Variants in LHCGR observed in about 807,000 individuals in gnomAD.
The protein encoded by LHCGR is lutropin-choriogonadotropic hormone receptor.
Under a neutral mutation model 60.7 loss-of-function variants are expected in LHCGR, and 55 were observed. The ratio of observed to expected loss-of-function variants is 0.91; its 90% confidence interval spans 0.73 to 1.13. The LOEUF is 1.13. Ranked by LOEUF, LHCGR falls within the 50% of genes most tolerant of loss-of-function variation. The probability of loss-of-function intolerance (pLI) is 0.00; values close to 1 mark genes in which losing one functional copy is unlikely to be tolerated. For synonymous variants in LHCGR, 337 were observed against 316.5 expected (o/e 1.06, Z -0.69); for missense variants, 862 against 836.0 (o/e 1.03, Z -0.38).
At chr2:48,711,116 G>C (rs116554316) in intron 7 of LHCGR, among the ~76,000 whole-genome samples, 1 of 151,934 alleles carries the variant, frequency 6.6e-6, no homozygotes, top group Admixed American at 6.6e-5. Context: ...TTTCTGTAAC[G>C]TGCTTCCCTC....
chr2:48,736,381 C>T (rs186046553), intron 1 of LHCGR, among the ~76,000 whole-genome samples: 5 of 152,132 alleles, frequency 3.3e-5, no homozygotes, highest in Admixed American at 1.3e-4. Context: ...TGACTTGATC[C>T]CCTTCCCAGC....
chr2:48,755,190 G>C (rs1232613087), intron 1 of LHCGR, among the ~76,000 whole-genome samples: 1 of 151,666 alleles, frequency 6.6e-6, no homozygotes, highest in Non-Finnish European at 1.5e-5. Context: ...AGGAGTTGAG[G>C]AGCGTCACAC....
At chr2:48,691,957 G>A (rs1666869589) in intron 10 of LHCGR, among the ~76,000 whole-genome samples, 1 of 152,076 alleles carries the variant, frequency 6.6e-6, no homozygotes, top group Non-Finnish European at 1.5e-5. Flanking sequence ...GGTCTCTTGG[G>A]GATAGTGACA....
At chr2:48,730,708 A>T (rs1668949612) in intron 2 of LHCGR, among the ~76,000 whole-genome samples, 1 of 152,224 alleles carries the variant, frequency 6.6e-6, no homozygotes, top group Non-Finnish European at 1.5e-5. Flanking sequence ...GATCGAAGTT[A>T]TGTCTGACAA....
rs547907569 is a variant in LHCGR, at chr2:48,705,083, C to T, written c.680+3865G>A. Among the ~76,000 whole-genome samples the T allele has an allele frequency of 1.9e-3, 288 of 152,212 alleles. 1 individual carries two copies. Among genetic ancestry groups the T allele is most frequent in the African/African-American group, 6.5e-3 (269 of 41,534 alleles). On this transcript the variant is annotated intron_variant, in intron 8 of 10. Transcript: ENST00000294954. ...TAAATGTGTCCCAGAGATTCTGGTA[C>T]ATTATGTCTTTGTTCTCATTGGTTT...
chr2:48,742,644 C>T lies in LHCGR; in HGVS notation c.162-11346G>A, dbSNP rs1294328864. On this transcript the variant is annotated intron_variant, in intron 1 of 10. Transcript: ENST00000294954. ...AAATAAAGATGTTCTTTGAAACCAA[C>T]GAGAACAAAGACACAACATACCAGA... 7.3e-5 allele frequency among the ~76,000 whole-genome samples: 11 copies of T among 151,578 alleles called. No individual in the cohort carries two copies. The East Asian group carries it at 7.8e-4, about 11-fold the overall frequency.
At chr2:48,728,681 C>A (rs1668852460) in intron 3 of LHCGR, among the ~76,000 whole-genome samples, 1 of 152,114 alleles carries the variant, frequency 6.6e-6, no homozygotes. Context: ...CAAAACATCA[C>A]AATAACAACA....
chr2:48,703,800 G>A (rs1667525099), intron 8 of LHCGR, among the ~76,000 whole-genome samples: 1 of 152,046 alleles, frequency 6.6e-6, no homozygotes, highest in South Asian at 2.1e-4. Context: ...GAGACGATAG[G>A]GTTTTCTAAA....
At position 48,755,503 on chromosome 2, in the gene LHCGR, G is replaced by A. The variant is rs544275678; in HGVS notation, c.161+8C>T. ...AAGGGCGCCGCGACGGGAGCGCTGT[G>A]TACTCACAGTCGAGTGAGACCGGCC... On this transcript the variant is annotated splice_region_variant and intron_variant, in intron 1 of 10. Transcript: ENST00000294954. 3.5e-5 allele frequency: 53 copies of A among 1,527,838 alleles called. No individual in the cohort carries two copies. Among genetic ancestry groups the A allele is most frequent in the Non-Finnish European group, 4.2e-5 (48 of 1,131,484 alleles). 94.6% of individuals were successfully genotyped at this position (1,527,838 alleles called of 1,614,324 possible).
chr2:48,745,265 A>C (rs1274616268), intron 1 of LHCGR, among the ~76,000 whole-genome samples: 7 of 152,212 alleles, frequency 4.6e-5, no homozygotes, highest in Non-Finnish European at 5.9e-5. Flanking sequence ...AAACTAGTTC[A>C]ACCATTGTGG....
chr2:48,696,037 A>C (rs938433785), intron 9 of LHCGR, among the ~76,000 whole-genome samples: 3 of 152,152 alleles, frequency 2.0e-5, no homozygotes, highest in African/African-American at 7.2e-5. Context: ...GTGGTTGTCC[A>C]CAGAGGAGGT....
intron 1 of LHCGR, among the ~76,000 whole-genome samples, chr2:48,740,381 TG>T: frequency 6.6e-6 from 1 of 152,224 alleles, no homozygotes; most frequent in Non-Finnish European, 1.5e-5. Context: ...GCTCCACCTC[TG>T]GGGGCAGGGC....
chr2:48,751,653 G>C (rs75602372), intron 1 of LHCGR, among the ~76,000 whole-genome samples: 1 of 152,212 alleles, frequency 6.6e-6, no homozygotes, highest in Non-Finnish European at 1.5e-5. Context: ...TACACTGCAA[G>C]TGAGAGGAAG....
intron 4 of LHCGR, among the ~76,000 whole-genome samples, chr2:48,725,237 T>C (rs1215911589): frequency 6.6e-6 from 1 of 152,202 alleles, no homozygotes; most frequent in Non-Finnish European, 1.5e-5. Context: ...AAAGTTTTCA[T>C]TTAATGAACA....
intron 1 of LHCGR, among the ~76,000 whole-genome samples, chr2:48,737,903 A>G (rs1386144138): frequency 6.6e-6 from 1 of 152,204 alleles, no homozygotes; most frequent in Admixed American, 6.5e-5. Flanking sequence ...GAAAAGAGAA[A>G]TGACTTTTTT....
chr2:48,754,305 G>A (rs146014414), intron 1 of LHCGR, among the ~76,000 whole-genome samples: 10 of 152,246 alleles, frequency 6.6e-5, no homozygotes, highest in Admixed American at 3.9e-4. Context: ...GAAACAGCCC[G>A]TGACAGACTG....
Position 48,687,779 on chromosome 2 carries a change from G to A in LHCGR, c.2018C>T (p.Pro673Leu), listed in dbSNP as rs1368597848. ...GGACAACTTCAAGGTGGATTGAGAA[G>A]GCTTATTTGATCCAGTGAAGCCATT... is the stretch of plus-strand genomic sequence containing the variant. ...CKNGFTGSNKPSQSTLKLSTL... is the reference protein window; with the variant it reads ...CKNGFTGSNKLSQSTLKLSTL... Residue 673 changes from proline (P) to leucine (L), a missense_variant, in exon 11 of 11, where the codon CCT (proline) becomes CTT (leucine). Physicochemically the swap from Pro to Leu is moderately conservative, Grantham distance 98 (BLOSUM62 -3). Transcript: ENST00000294954. The A allele has an allele frequency of 6.8e-6, 11 of 1,613,972 alleles. No homozygotes were observed. The highest frequency in any genetic ancestry group is 9.3e-6 in the Non-Finnish European group (11 of 1,179,990).
In LHCGR at chr2:48,731,208, T is replaced by C. The variant is rs141817822; in HGVS notation, c.233+19A>G. The C allele has an allele frequency of 5.3e-5, 81 of 1,515,460 alleles. No homozygotes were observed. The highest frequency in any genetic ancestry group is 6.7e-5 in the Non-Finnish European group (73 of 1,091,500). 93.9% of individuals were successfully genotyped at this position (1,515,460 alleles called of 1,614,324 possible). ...TATTCCAATTACGAATGTCTTTTGATATGCAGTAACTTACTTACATTTTTA... is the reference window on the plus strand; with the variant it reads ...TATTCCAATTACGAATGTCTTTTGACATGCAGTAACTTACTTACATTTTTA... On this transcript the variant is annotated intron_variant, in intron 2 of 10. Coordinates refer to ENST00000294954, the MANE Select transcript of LHCGR (RefSeq NM_000233.4).
intron 1 of LHCGR, among the ~76,000 whole-genome samples, chr2:48,752,585 T>C (rs4145967): frequency 6.6e-6 from 1 of 151,898 alleles, no homozygotes; most frequent in South Asian, 2.1e-4. Flanking sequence ...TTCTGTCTCA[T>C]AATTACTGTT....
Sources: gnomAD v4.1 joint callset for allele counts (sites outside exome capture counted in the v4.1 genomes callset) on GRCh38, gnomAD v4.1.1 for gene constraint, MANE v1.5 for transcripts, NCBI Gene and HGNC (gene_info 2026-07-23, HGNC 2026-07-21) for gene names.